The following EML6 variants were observed in gnomAD, a reference collection of about 807,000 sequenced individuals.
EML6 encodes the protein echinoderm microtubule-associated protein-like 6.
A neutral mutation model predicts 240.1 loss-of-function variants in EML6; 154 were observed. The observed-to-expected ratio is 0.64, with a 90% CI of 0.56 to 0.73. The LOEUF (loss-of-function observed/expected upper bound fraction) is 0.73. EML6 is among the 30% of genes least tolerant of loss of function. The probability of loss-of-function intolerance (pLI) is 0.00; values close to 1 mark genes in which losing one functional copy is unlikely to be tolerated. For synonymous variants in EML6, 1,148 were observed against 899.0 expected (o/e 1.28, Z -4.95); for missense variants, 2,964 against 2,474.6 (o/e 1.20, Z -4.20).
Position 54,777,445 on chromosome 2 carries a change from G to A in EML6, c.198-35787G>A, listed in dbSNP as rs371294696. On this transcript the variant is annotated intron_variant, in intron 2 of 41. Transcript: ENST00000356458. ...GGTTCCATGTAAATCTGAGTCCTTC[G>A]CTTTCTGTCTTCCACATAGACCTCA... Among the ~76,000 whole-genome samples the A allele has an allele frequency of 7.9e-4, 120 of 152,224 alleles. 1 individual carries two copies. The highest frequency in any genetic ancestry group is 4.1e-3 in the South Asian group (20 of 4,822).
rs186140676 is a variant in EML6, at chr2:54,860,785, G to A, written c.1825+1084G>A. ...GGCTTCTTCTCTTAGGAGTGGTGAC[G>A]AGAAGGTGCTATAAGAATGCAGCTC... On this transcript the variant is annotated intron_variant, in intron 12 of 41. Transcript: ENST00000356458. Among the ~76,000 whole-genome samples the A allele has an allele frequency of 5.4e-3, 820 of 152,332 alleles. 4 individuals carry two copies. Among genetic ancestry groups the A allele is most frequent in the South Asian group, 0.013 (64 of 4,826 alleles).
rs1259983687 is a variant in EML6 at position 54,813,255 on chromosome 2, C to T, written c.221C>T (p.Thr74Ile). 1 of 1,550,684 alleles carries T rather than the reference C, an allele frequency of 6.4e-7. No homozygotes were observed. The highest frequency in any genetic ancestry group is 1.2e-5 in the South Asian group (1 of 83,772). The change falls in exon 3 of 42, where the codon ACT becomes ATT. Residue 74 changes from threonine (T) to isoleucine (I), a missense_variant. Thr to Ile is a moderately conservative substitution (Grantham distance 89). Transcript: ENST00000356458. ...AGCCTTGCCTTACACCCAGACAAAA[C>T]TCTCGTTGCAACTGGCCAAGTCGGG... ...IISLALHPDK[T>I]LVATGQVGKE...
intron 21 of EML6, among the ~76,000 whole-genome samples, chr2:54,897,554 C>T (rs918869699): frequency 2.0e-5 from 3 of 152,194 alleles, no homozygotes; most frequent in African/African-American, 7.2e-5. Context: ...TTGTTCACCT[C>T]ACCAGGCTGT....
intron 2 of EML6, among the ~76,000 whole-genome samples, chr2:54,776,504 T>TA (rs1351187390): frequency 6.6e-6 from 1 of 152,228 alleles, no homozygotes; most frequent in Non-Finnish European, 1.5e-5. Context: ...CATAAAATCT[T>TA]ACACGTATAT....
At chr2:54,882,710 T>G (rs1476839977) in intron 17 of EML6, 1 of 151,160 alleles carries the variant, frequency 6.6e-6, no homozygotes, top group Non-Finnish European at 1.5e-5. Flanking sequence ...TACAAAAAAT[T>G]AGCCAGGCCT....
chr2:54,739,961 G>GGAAA (rs767153484), intron 2 of EML6, among the ~76,000 whole-genome samples: 1 of 152,152 alleles, frequency 6.6e-6, no homozygotes, highest in Non-Finnish European at 1.5e-5. Context: ...TTGGGAGTAG[G>GGAAA]GTAGAAAGAA....
At chr2:54,893,104 A>G (rs1011316554) in intron 19 of EML6, among the ~76,000 whole-genome samples, 1 of 152,134 alleles carries the variant, frequency 6.6e-6, no homozygotes, top group African/African-American at 2.4e-5. Context: ...CCTGTGTAGA[A>G]AGGCTCAGCT....
At position 54,901,867 on chromosome 2, in the gene EML6, A is replaced by G. The variant is rs115704196; in HGVS notation, c.3125-1177A>G. Among the ~76,000 whole-genome samples, 644 of 152,298 alleles carry G rather than the reference A, an allele frequency of 4.2e-3. 4 individuals carry two copies. The highest frequency in any genetic ancestry group is 0.015 in the African/African-American group (618 of 41,560). On this transcript the variant is annotated intron_variant, in intron 22 of 41. Coordinates refer to ENST00000356458, the MANE Select transcript of EML6 (RefSeq NM_001039753.4). ...TGGCAGAGGGTAGGCATGTTCTTGA[A>G]TCAGTTTCCTTTTAGACATACCTTT...
At chr2:54,742,608 G>A (rs890611380) in intron 2 of EML6, among the ~76,000 whole-genome samples, 2 of 152,094 alleles carry the variant, frequency 1.3e-5, no homozygotes, top group Non-Finnish European at 2.9e-5. Flanking sequence ...TCTGTGTCCC[G>A]GAGGCTCTTT....
intron 2 of EML6, among the ~76,000 whole-genome samples, chr2:54,726,849 T>G: frequency 6.6e-6 from 1 of 152,220 alleles, no homozygotes; most frequent in East Asian, 1.9e-4. Context: ...CAAAATAAGA[T>G]GTAGTCCTTT....
At chr2:54,911,276 C>T (rs1394962779) in intron 25 of EML6, among the ~76,000 whole-genome samples, 1 of 152,158 alleles carries the variant, frequency 6.6e-6, no homozygotes, top group African/African-American at 2.4e-5. Flanking sequence ...TTTTCTCTGC[C>T]TGAAGACAAT....
intron 12 of EML6, among the ~76,000 whole-genome samples, chr2:54,861,633 C>T (rs1387963167): frequency 6.6e-6 from 1 of 152,170 alleles, no homozygotes; most frequent in Non-Finnish European, 1.5e-5. Context: ...ACATCTTAAG[C>T]TCTAGGGGCC....
chr2:54,791,880 G>T (rs1014901634), intron 2 of EML6, among the ~76,000 whole-genome samples: 1 of 152,122 alleles, frequency 6.6e-6, no homozygotes, highest in African/African-American at 2.4e-5. Context: ...TGAGAGGGTG[G>T]GATGAGATTT....
Position 54,844,044 on chromosome 2 carries a change from CA to C in EML6, c.848-2del, listed in dbSNP as rs1669617793. ...TTGCTTTTGTTTTACTTATTTTTGT[CA>C]GGCCTCTCTATCCGGAGCGTGTGCT... On this transcript the variant is annotated splice_acceptor_variant, in intron 7 of 41. Coordinates refer to ENST00000356458, the MANE Select transcript of EML6 (RefSeq NM_001039753.4). LOFTEE classifies it high-confidence loss of function. 6.5e-7 allele frequency: 1 copy of C among 1,541,730 alleles called. No homozygotes were observed. The highest frequency in any genetic ancestry group is 1.4e-5 in the African/African-American group (1 of 71,172).
chr2:54,954,172 G>C lies in EML6; in HGVS notation c.4486+16G>C. 2 of 1,547,870 alleles carry C rather than the reference G, an allele frequency of 1.3e-6. No homozygotes were observed. Among genetic ancestry groups the C allele is most frequent in the Non-Finnish European group, 1.7e-6 (2 of 1,145,176 alleles). ...TGGCAGGAAGGTAAACCAGCACTGG[G>C]CTTTCTGTCCCTCCAGGGTGTCTGC... is the stretch of plus-strand genomic sequence containing the variant. On this transcript the variant is annotated intron_variant, in intron 32 of 41. Transcript: ENST00000356458.
At chr2:54,937,698 T>C (rs1298268681) in intron 28 of EML6, among the ~76,000 whole-genome samples, 2 of 152,300 alleles carry the variant, frequency 1.3e-5, no homozygotes, top group East Asian at 3.9e-4. Context: ...TTTTAGTCAC[T>C]GATTTGTTAG....
chr2:54,902,826 C>T (rs1308682086), intron 22 of EML6, among the ~76,000 whole-genome samples: 5 of 152,152 alleles, frequency 3.3e-5, no homozygotes, highest in African/African-American at 9.7e-5. Flanking sequence ...CCACCTGCCT[C>T]GACCTTCCAA....
At position 54,928,372 on chromosome 2, in the gene EML6, G is replaced by A. The variant is rs763930385; in HGVS notation, c.3735G>A (p.Arg1245=). ...ACAGTGCACATGTCACTAACGTGAG[G>A]TGGCTGCACAATGACTCTGTGCTGC... ...VGHSAHVTNV[R]WLHNDSVLLT... Residue 1245 remains arginine, a synonymous_variant, in exon 27 of 42, where the codon AGG becomes AGA. Transcript: ENST00000356458. The A allele has an allele frequency of 1.3e-6, 2 of 1,552,066 alleles. No individual in the cohort carries two copies. The highest frequency in any genetic ancestry group is 1.7e-4 in the Middle Eastern group (1 of 5,996).
At chr2:54,844,725 C>T (rs1572990394) in intron 8 of EML6, among the ~76,000 whole-genome samples, 1 of 152,246 alleles carries the variant, frequency 6.6e-6, no homozygotes, top group Non-Finnish European at 1.5e-5. Flanking sequence ...AAATTTTGAA[C>T]AGCATCATCA....
Sources: allele counts gnomAD v4.1 joint callset (sites outside exome capture counted in the v4.1 genomes callset), GRCh38; gene constraint gnomAD v4.1.1; transcripts MANE v1.5; gene names NCBI Gene and HGNC (gene_info 2026-07-23, HGNC 2026-07-21).